Variants in HS3ST5 observed in about 807,000 individuals in gnomAD.
HS3ST5 encodes heparan sulfate-glucosamine 3-sulfotransferase 5.
Under a neutral mutation model 25.4 loss-of-function variants are expected in HS3ST5, and 10 were observed. The observed-to-expected ratio is 0.39, with a 90% CI of 0.24 to 0.67. HS3ST5 has a LOEUF of 0.67. Ranked by LOEUF, HS3ST5 falls within the 30% of genes least tolerant of loss-of-function variation. HS3ST5 has a pLI of 0.44. For synonymous variants in HS3ST5, 170 were observed against 162.4 expected (o/e 1.05, Z -0.36); for missense variants, 324 against 420.7 (o/e 0.77, Z 2.01).
At chr6:114,181,977 T>G (rs904315162) in intron 2 of HS3ST5, among the ~76,000 whole-genome samples, 1 of 152,100 alleles carries the variant, frequency 6.6e-6, no homozygotes, top group Non-Finnish European at 1.5e-5. Flanking sequence ...CTTATATGTT[T>G]CCTTAGCTTT....
intron 1 of HS3ST5, among the ~76,000 whole-genome samples, chr6:114,239,553 A>G (rs1772008152): frequency 6.6e-6 from 1 of 152,210 alleles, no homozygotes; most frequent in African/African-American, 2.4e-5. Flanking sequence ...CTGTTCAGCC[A>G]CAGTTAGGAG....
At chr6:114,295,639 C>A (rs144864086) in intron 1 of HS3ST5, among the ~76,000 whole-genome samples, 1 of 152,228 alleles carries the variant, frequency 6.6e-6, no homozygotes, top group East Asian at 1.9e-4. Flanking sequence ...GAAATAACAA[C>A]GTGGAGAATA....
chr6:114,272,093 C>A (rs1382818235), intron 1 of HS3ST5, among the ~76,000 whole-genome samples: 1 of 152,110 alleles, frequency 6.6e-6, no homozygotes, highest in East Asian at 1.9e-4. Context: ...ATCATAGGCT[C>A]TTTAAAGTCT....
At chr6:114,127,861 GAGAGAGAGAGAGACTTATATAT>G (rs1777125758) in intron 3 of HS3ST5, among the ~76,000 whole-genome samples, 1 of 149,614 alleles carries the variant, frequency 6.7e-6, no homozygotes, top group African/African-American at 2.5e-5. Context: ...TATATAGAGA[GAGAGAGAGAGAGACTTATATAT>G]AGAGAGAGAG....
At chr6:114,181,788 C>T (rs769227363) in intron 2 of HS3ST5, among the ~76,000 whole-genome samples, 1 of 152,010 alleles carries the variant, frequency 6.6e-6, no homozygotes, top group Non-Finnish European at 1.5e-5. Context: ...CAGTATGAAC[C>T]TTTTAAAAGA....
chr6:114,226,666 C>T (rs1310974028), intron 2 of HS3ST5, among the ~76,000 whole-genome samples: 1 of 151,922 alleles, frequency 6.6e-6, no homozygotes, highest in Non-Finnish European at 1.5e-5. Flanking sequence ...TTCTATGATT[C>T]TATAAAGTTT....
chr6:114,108,484 T>C (rs1215634966), intron 3 of HS3ST5, among the ~76,000 whole-genome samples: 1 of 152,120 alleles, frequency 6.6e-6, no homozygotes, highest in East Asian at 1.9e-4. Context: ...TGTGGCCACC[T>C]GGTGATGCCG....
At chr6:114,143,542 T>C (rs1334275482) in intron 3 of HS3ST5, 1 of 152,172 alleles carries the variant, frequency 6.6e-6, no homozygotes, top group Non-Finnish European at 1.5e-5. Flanking sequence ...ATAGAGTCAC[T>C]TGTGTCAAAC....
At chr6:114,215,547 TC>T (rs1781715876) in intron 2 of HS3ST5, among the ~76,000 whole-genome samples, 1 of 151,610 alleles carries the variant, frequency 6.6e-6, no homozygotes, top group East Asian at 1.9e-4. Context: ...GTCCCACCCC[TC>T]CCCCAGGAAG....
chr6:114,204,868 A>G lies in HS3ST5; in HGVS notation c.-145+23717T>C, dbSNP rs1003677188. ...TAAAATATACAGCTATCCCGAGAATACTATTGGCACAAATAGTTTGGGACC... is the reference window on the plus strand; with the variant it reads ...TAAAATATACAGCTATCCCGAGAATGCTATTGGCACAAATAGTTTGGGACC... On this transcript the variant is annotated intron_variant, in intron 2 of 4. Coordinates refer to ENST00000312719, the MANE Select transcript of HS3ST5 (RefSeq NM_153612.4). Among the ~76,000 whole-genome samples, 8 of 152,278 alleles carry G rather than the reference A, an allele frequency of 5.3e-5. No homozygotes were observed. The South Asian group carries it at 1.2e-3, about 24-fold the overall frequency.
chr6:114,187,460 T>G (rs927205562), intron 2 of HS3ST5, among the ~76,000 whole-genome samples: 42 of 152,190 alleles, frequency 2.8e-4, no homozygotes, highest in African/African-American at 9.2e-4. Context: ...TGGTGGAAAT[T>G]AGCAGAAGCA....
chr6:114,269,559 C>T (rs941122188), intron 1 of HS3ST5, among the ~76,000 whole-genome samples: 2 of 152,178 alleles, frequency 1.3e-5, no homozygotes, highest in Non-Finnish European at 2.9e-5. Context: ...ACAGCCATTT[C>T]CCCCTTCAGT....
At chr6:114,151,512 G>A (rs540390462) in intron 3 of HS3ST5, among the ~76,000 whole-genome samples, 13 of 152,314 alleles carry the variant, frequency 8.5e-5, no homozygotes, top group African/African-American at 3.1e-4. Context: ...CTAATGGTCT[G>A]CAGCTACCAT....
rs561591393 is a variant in HS3ST5 at position 114,238,450 on chromosome 6, GA to G, written c.-338-9673del. On this transcript the variant is annotated intron_variant, in intron 1 of 4. Transcript: ENST00000312719. Reference sequence around the variant, plus strand: ...TGTGATAAGTTAAAAAGAAGAATAGGAAAAAAATATTTTTTGTGTGTCTTTA... The same window carrying G: ...TGTGATAAGTTAAAAAGAAGAATAGGAAAAAATATTTTTTGTGTGTCTTTA... 1.3e-3 allele frequency among the ~76,000 whole-genome samples: 192 copies of G among 152,098 alleles called. 1 individual carries two copies. The highest frequency in any genetic ancestry group is 3.7e-3 in the African/African-American group (154 of 41,518).
chr6:114,311,380 G>A (rs751471410), intron 1 of HS3ST5, among the ~76,000 whole-genome samples: 4 of 151,896 alleles, frequency 2.6e-5, no homozygotes, highest in Non-Finnish European at 4.4e-5. Flanking sequence ...TGAGTAGAAC[G>A]GTTATGGTTG....
chr6:114,320,832 A>AT (rs1332979206), intron 1 of HS3ST5, among the ~76,000 whole-genome samples: 1 of 150,932 alleles, frequency 6.6e-6, no homozygotes, highest in African/African-American at 2.4e-5. Flanking sequence ...GGACAGGAGT[A>AT]TTTTTTCTCT....
At chr6:114,194,125 G>A (rs937361947) in intron 2 of HS3ST5, among the ~76,000 whole-genome samples, 29 of 152,094 alleles carry the variant, frequency 1.9e-4, no homozygotes, top group African/African-American at 5.8e-4. Context: ...GTTATCATTC[G>A]TGCTGGAAAA....
Position 114,204,027 on chromosome 6 carries a change from A to G in HS3ST5, c.-145+24558T>C, listed in dbSNP as rs1021975376. On this transcript the variant is annotated intron_variant, in intron 2 of 4. Coordinates refer to ENST00000312719, the MANE Select transcript of HS3ST5 (RefSeq NM_153612.4). ...AACAGGGTTCGGAAGCGTGTATACC[A>G]TCCTGGCAAAATAGGTTATGGCCAT... Among the ~76,000 whole-genome samples, 19 of 152,328 alleles carry G rather than the reference A, an allele frequency of 1.2e-4. 1 individual carries two copies. Among genetic ancestry groups the G allele is most frequent in the African/African-American group, 4.6e-4 (19 of 41,574 alleles).
chr6:114,090,729 G>A (rs1346425329), intron 3 of HS3ST5, among the ~76,000 whole-genome samples: 1 of 152,110 alleles, frequency 6.6e-6, no homozygotes, highest in Non-Finnish European at 1.5e-5. Flanking sequence ...CTTGCATCAC[G>A]AAATCCTTAG....
Sources: allele counts gnomAD v4.1 joint callset (sites outside exome capture counted in the v4.1 genomes callset), GRCh38; gene constraint gnomAD v4.1.1; transcripts MANE v1.5; gene names NCBI Gene and HGNC (gene_info 2026-07-23, HGNC 2026-07-21).